ALKBH3: variants seen among roughly 807,000 people sequenced by gnomAD.
The protein encoded by ALKBH3 is alkB homolog 3, alpha-ketoglutarate dependent dioxygenase.
In ALKBH3, 51 loss-of-function variants were observed where a neutral mutation model predicts 43.9. The ratio of observed to expected loss-of-function variants is 1.16; its 90% confidence interval spans 0.93 to 1.47. ALKBH3 has a LOEUF of 1.47. ALKBH3 is among the 40% of genes most tolerant of loss of function. The pLI is 0.00. For synonymous variants in ALKBH3, 102 were observed against 115.2 expected, an observed-to-expected ratio of 0.89 and a Z score of 0.73; for missense variants, 361 against 351.9, an observed-to-expected ratio of 1.03 and a Z score of -0.21.
rs12421423 is a variant in ALKBH3, at chr11:43,914,139, G to T, written c.670-4899G>T. 7.0e-3 allele frequency among the ~76,000 whole-genome samples: 1,061 copies of T among 152,290 alleles called. 26 individuals carry two copies. The highest frequency in any genetic ancestry group is 0.055 in the East Asian group (286 of 5,184). ...TCAGGGTGCCATATAATCAGGACAG[G>T]AAATATTAGGATTTCAGAAGGAATA... is the stretch of plus-strand genomic sequence containing the variant. On this transcript the variant is annotated intron_variant, in intron 8 of 9. Coordinates refer to ENST00000302708, the MANE Select transcript of ALKBH3 (RefSeq NM_139178.4).
intron 8 of ALKBH3, among the ~76,000 whole-genome samples, chr11:43,904,678 G>T (rs550783336): frequency 2.0e-4 from 30 of 152,124 alleles, no homozygotes; most frequent in Non-Finnish European, 3.4e-4. Context: ...ACCTTAAAGT[G>T]CATCATCTTT....
intron 7 of ALKBH3, chr11:43,899,625 C>T (rs1265859743): frequency 4.0e-6 from 2 of 497,824 alleles, no homozygotes; most frequent in South Asian, 2.0e-5. Context: ...CAGCCAGCTC[C>T]ACCCTCCCGC....
At chr11:43,881,265 A>G (rs1951708944) in intron 1 of ALKBH3, 86 bp downstream of exon 1, 1 of 152,276 alleles carries the variant, frequency 6.6e-6, no homozygotes, top group Non-Finnish European at 1.5e-5. Flanking sequence ...GAGTCCTTGT[A>G]TTTTACAGCA....
intron 8 of ALKBH3, chr11:43,909,509 C>T (rs1459064811): frequency 6.6e-6 from 1 of 152,096 alleles, no homozygotes; most frequent in African/African-American, 2.4e-5. Context: ...CAAGGCAACA[C>T]CACAGTTTGG....
chr11:43,919,777 A>C, intron 9 of ALKBH3, 141 bp from the exon 10 acceptor site: 1 of 769,480 alleles, frequency 1.3e-6, no homozygotes, highest in South Asian at 1.8e-5. Flanking sequence ...CTTTCTCCAC[A>C]AGACTTCAAA....
intron 8 of ALKBH3, among the ~76,000 whole-genome samples, chr11:43,908,582 C>A (rs1012685072): frequency 6.6e-6 from 1 of 151,964 alleles, no homozygotes; most frequent in Non-Finnish European, 1.5e-5. Flanking sequence ...ATTATATTGC[C>A]AAGAATGGAA....
Position 43,907,317 on chromosome 11 carries a change from C to G in ALKBH3, c.669+5592C>G, listed in dbSNP as rs115715343. Among the ~76,000 whole-genome samples, 972 of 152,170 alleles carry G rather than the reference C, an allele frequency of 6.4e-3. 7 individuals carry two copies. The highest frequency in any genetic ancestry group is 0.021 in the African/African-American group (880 of 41,538). ...TTGAGATCCCTTAGGAGTTGGAGTC[C>G]TCATTTGCGTCCTTGGGGCCTTGTC... On this transcript the variant is annotated intron_variant, in intron 8 of 9. Coordinates refer to ENST00000302708, the MANE Select transcript of ALKBH3 (RefSeq NM_139178.4).
At chr11:43,918,489 A>G (rs1178168231) in intron 8 of ALKBH3, among the ~76,000 whole-genome samples, 5 of 152,210 alleles carry the variant, frequency 3.3e-5, no homozygotes, top group African/African-American at 1.2e-4. Flanking sequence ...ATGTCTCCAA[A>G]ACTCCATAGT....
At chr11:43,913,247 T>C (rs1390909650) in intron 8 of ALKBH3, among the ~76,000 whole-genome samples, 1 of 152,148 alleles carries the variant, frequency 6.6e-6, no homozygotes, top group Middle Eastern at 3.2e-3. Context: ...GTTTGTTATA[T>C]AGGTAACTTG....
chr11:43,891,109 C>G (rs185871481), intron 6 of ALKBH3, among the ~76,000 whole-genome samples: 1 of 152,070 alleles, frequency 6.6e-6, no homozygotes, highest in Non-Finnish European at 1.5e-5. Flanking sequence ...TATGAAAGAC[C>G]AACTGTACTG....
chr11:43,916,461 AACCC>A (rs1341001433), intron 8 of ALKBH3, among the ~76,000 whole-genome samples: 1 of 152,174 alleles, frequency 6.6e-6, no homozygotes, highest in Non-Finnish European at 1.5e-5. Flanking sequence ...TCAATAACAA[AACCC>A]ACCCTGTAGC....
At chr11:43,885,902 C>G (rs184650387) in intron 4 of ALKBH3, among the ~76,000 whole-genome samples, 2 of 152,060 alleles carry the variant, frequency 1.3e-5, no homozygotes, top group Non-Finnish European at 2.9e-5. Flanking sequence ...AGTTTAAAGG[C>G]GGTGATGCTG....
At position 43,900,502 on chromosome 11, in the gene ALKBH3, G is replaced by A. The variant is rs150720034; in HGVS notation, c.460-1014G>A. Among the ~76,000 whole-genome samples, 168 of 152,196 alleles carry A rather than the reference G, an allele frequency of 1.1e-3. 1 individual carries two copies. The highest frequency in any genetic ancestry group is 3.9e-3 in the African/African-American group (161 of 41,530). ...CTCCCAAAGTACTGGGATTACAGGTGTGAGCCATGTTGCCTGGCCTGTCCT... is the reference window on the plus strand; with the variant it reads ...CTCCCAAAGTACTGGGATTACAGGTATGAGCCATGTTGCCTGGCCTGTCCT... On this transcript the variant is annotated intron_variant, in intron 7 of 9. Transcript: ENST00000302708.
At position 43,901,550 on chromosome 11, in the gene ALKBH3, T is replaced by C. The variant is rs746220465; in HGVS notation, c.494T>C (p.Ile165Thr). ...GTGCTGCGCACACTAAAGAACCGCA[T>C]TGAAGAGAACACTGGCCACACCTTC... ...HPVLRTLKNR[I>T]EENTGHTFNS... Residue 165 changes from isoleucine (I) to threonine (T), a missense_variant, in exon 8 of 10, where the codon ATT (isoleucine) becomes ACT (threonine). Physicochemically the swap from Ile to Thr is moderately conservative, Grantham distance 89. Transcript: ENST00000302708. The C allele has an allele frequency of 1.1e-5, 18 of 1,614,120 alleles. No homozygotes were observed. The highest frequency in any genetic ancestry group is 2.2e-5 in the South Asian group (2 of 91,082).
chr11:43,883,122 C>T lies in ALKBH3; in HGVS notation c.117C>T (p.Gly39=), dbSNP rs144927017. 1.1e-4 allele frequency: 173 copies of T among 1,613,920 alleles called. No individual in the cohort carries two copies. Among genetic ancestry groups the T allele is most frequent in the Non-Finnish European group, 1.4e-4 (171 of 1,180,004 alleles). ...AGAGCCATCTCCACCAGAAGCCTGG[C>T]CAGACCTGGAAGAACAAAGAGCATC... ...TAKSHLHQKP[G]QTWKNKEHHL... is the part of the protein sequence containing the mutation. The change falls in exon 3 of 10, where the codon GGC becomes GGT. Residue 39 remains glycine (G), a synonymous_variant. Coordinates refer to ENST00000302708, the MANE Select transcript of ALKBH3 (RefSeq NM_139178.4).
intron 8 of ALKBH3, among the ~76,000 whole-genome samples, chr11:43,904,641 T>C (rs571143545): frequency 1.9e-4 from 29 of 152,288 alleles, no homozygotes; most frequent in African/African-American, 7.0e-4. Flanking sequence ...CAGAACCCTT[T>C]CTTTGAGTTG....
chr11:43,887,187 C>T (rs1332965348), intron 5 of ALKBH3, among the ~76,000 whole-genome samples: 4 of 152,166 alleles, frequency 2.6e-5, no homozygotes, highest in African/African-American at 9.7e-5. Context: ...ATAATATCTC[C>T]TTTTTATTAG....
chr11:43,889,922 T>G (rs1951771685), intron 6 of ALKBH3, 94 bp downstream of exon 6: 1 of 1,090,766 alleles, frequency 9.2e-7, no homozygotes, highest in Non-Finnish European at 1.3e-6. Context: ...AAAGCTAGTC[T>G]TAAACAGAAA....
At position 43,884,008 on chromosome 11, in the gene ALKBH3, G is replaced by C. The variant is rs762849148; in HGVS notation, c.209G>C (p.Arg70Pro). The change falls in exon 4 of 10, where the codon CGA becomes CCA. Residue 70 changes from arginine (R) to proline (P), a missense_variant. Transcript: ENST00000302708. ...QQVVRRAPEP[R>P]VIDREGVYEI... ...GTAGTACGTAGAGCTCCTGAGCCAC[G>C]AGTGATTGAGTAAGTAATTTGCTGT... 1.2e-6 allele frequency: 2 copies of C among 1,613,768 alleles called. No individual in the cohort carries two copies. The highest frequency in any genetic ancestry group is 2.2e-5 in the South Asian group (2 of 91,056).
Sources: allele counts gnomAD v4.1 joint callset (sites outside exome capture counted in the v4.1 genomes callset), GRCh38; gene constraint gnomAD v4.1.1; transcripts MANE v1.5; gene names NCBI Gene and HGNC (gene_info 2026-07-23, HGNC 2026-07-21).